Variants in KLHL1 observed in about 807,000 individuals in gnomAD.
KLHL1 encodes the protein kelch like family member 1, also known as kelch-like protein 1.
KLHL1 carries 47 observed loss-of-function variants against 77.7 expected under a neutral mutation model. That is an observed-to-expected ratio of 0.60 (90% CI 0.48 to 0.77). The LOEUF (loss-of-function observed/expected upper bound fraction) is 0.77, where lower values mean the gene tolerates loss of function less well. Among genes scored for constraint, KLHL1 ranks in the 30% least tolerant of loss-of-function variants. KLHL1 has a pLI of 0.00. For synonymous variants in KLHL1, 360 were observed against 325.2 expected (o/e 1.11, Z -1.15); for missense variants, 925 against 910.8 (o/e 1.02, Z -0.20).
intron 2 of KLHL1, among the ~76,000 whole-genome samples, chr13:69,972,641 A>G (rs755864879): frequency 4.6e-5 from 7 of 151,844 alleles, no homozygotes; most frequent in Non-Finnish European, 1.0e-4. Context: ...ATGAACATAA[A>G]ATGATAAATA....
chr13:69,808,111 A>G (rs1004911312), intron 6 of KLHL1, among the ~76,000 whole-genome samples: 4 of 152,084 alleles, frequency 2.6e-5, no homozygotes, highest in Non-Finnish European at 2.9e-5. Context: ...AGGAATGGAT[A>G]TGGAAAGCGG....
chr13:69,737,156 C>A (rs577023248), intron 8 of KLHL1, among the ~76,000 whole-genome samples: 1 of 152,190 alleles, frequency 6.6e-6, no homozygotes, highest in Non-Finnish European at 1.5e-5. Flanking sequence ...GAAAACTATG[C>A]TTTTCCCATG....
chr13:69,823,818 TTCTC>T (rs149024734), intron 6 of KLHL1, among the ~76,000 whole-genome samples: 4 of 151,032 alleles, frequency 2.6e-5, no homozygotes, highest in African/African-American at 7.3e-5. Context: ...TTGAAATTTT[TTCTC>T]TCTCTCTCTC....
chr13:69,939,572 C>A (rs927755425), intron 4 of KLHL1, among the ~76,000 whole-genome samples: 3 of 151,570 alleles, frequency 2.0e-5, no homozygotes, highest in Non-Finnish European at 4.4e-5. Flanking sequence ...ATGCCTGGGG[C>A]AATTTTGAAA....
chr13:70,076,987 T>C (rs1807914093), intron 1 of KLHL1, among the ~76,000 whole-genome samples: 1 of 152,062 alleles, frequency 6.6e-6, no homozygotes, highest in Admixed American at 6.5e-5. Context: ...ATTCTAGTAA[T>C]GGTGTGGAGA....
intron 1 of KLHL1, among the ~76,000 whole-genome samples, chr13:70,074,178 G>A (rs1887206502): frequency 6.6e-6 from 1 of 152,020 alleles, no homozygotes; most frequent in Non-Finnish European, 1.5e-5. Flanking sequence ...AGCATGATTT[G>A]AAGAATTAAG....
intron 1 of KLHL1, among the ~76,000 whole-genome samples, chr13:70,071,007 A>C (rs1000862445): frequency 6.6e-6 from 1 of 152,128 alleles, no homozygotes; most frequent in Non-Finnish European, 1.5e-5. Context: ...ACAAAAAAGT[A>C]ACAAGGGAAA....
chr13:70,049,238 GA>G (rs1010095439), intron 1 of KLHL1, among the ~76,000 whole-genome samples: 8 of 150,332 alleles, frequency 5.3e-5, no homozygotes, highest in African/African-American at 1.5e-4. Context: ...AGAACTAAAT[GA>G]AAAAAAAATC....
intron 7 of KLHL1, among the ~76,000 whole-genome samples, chr13:69,771,416 A>G (rs1171224106): frequency 6.6e-6 from 1 of 152,174 alleles, no homozygotes; most frequent in African/African-American, 2.4e-5. Flanking sequence ...TTATCTCCTC[A>G]TTTTAAATTT....
chr13:69,905,074 T>C (rs572948118), intron 4 of KLHL1, among the ~76,000 whole-genome samples: 89 of 152,280 alleles, frequency 5.8e-4, no homozygotes, highest in African/African-American at 2.0e-3. Context: ...ATTTGCTTCC[T>C]ACCTCCAAAC....
At chr13:70,072,510 ATC>A (rs1413359605) in intron 1 of KLHL1, among the ~76,000 whole-genome samples, 1 of 152,148 alleles carries the variant, frequency 6.6e-6, no homozygotes, top group African/African-American at 2.4e-5. Context: ...ACAGATCAAT[ATC>A]TGTCTTGTAG....
At chr13:69,965,626 G>A (rs1026127427) in intron 2 of KLHL1, among the ~76,000 whole-genome samples, 2 of 152,168 alleles carry the variant, frequency 1.3e-5, no homozygotes, top group South Asian at 2.1e-4. Flanking sequence ...TAAGTTTAGC[G>A]AGGGAGACAT....
rs539821099 is a variant in KLHL1, at chr13:69,841,196, G to A, written c.1228-2034C>T. 4.0e-5 allele frequency among the ~76,000 whole-genome samples: 6 copies of A among 151,226 alleles called. No homozygotes were observed. In the East Asian group the frequency reaches 1.2e-3, roughly 29 times the overall value. On this transcript the variant is annotated intron_variant, in intron 5 of 10. Transcript: ENST00000377844. ...AATATCACATCTCATATTCAACATA[G>A]TATTGGAAGTCTTAGTCAGAACAAT...
intron 1 of KLHL1, among the ~76,000 whole-genome samples, chr13:70,012,941 A>T (rs1373805878): frequency 6.6e-6 from 1 of 152,044 alleles, no homozygotes; most frequent in East Asian, 1.9e-4. Flanking sequence ...AAACTCTATA[A>T]TATACTTTTA....
At chr13:69,964,881 T>G (rs1234285108) in intron 2 of KLHL1, among the ~76,000 whole-genome samples, 1 of 152,290 alleles carries the variant, frequency 6.6e-6, no homozygotes, top group East Asian at 1.9e-4. Context: ...GACTGATTTT[T>G]GTTTGAACCA....
chr13:70,052,560 C>T (rs1886654493), intron 1 of KLHL1, among the ~76,000 whole-genome samples: 1 of 151,674 alleles, frequency 6.6e-6, no homozygotes, highest in Admixed American at 6.6e-5. Context: ...TAATAAAATG[C>T]CATATTTTAA....
At chr13:70,037,909 T>G (rs1886279093) in intron 1 of KLHL1, among the ~76,000 whole-genome samples, 2 of 152,164 alleles carry the variant, frequency 1.3e-5, no homozygotes. Flanking sequence ...CTTTTACCAC[T>G]TTAGACTTTT....
chr13:69,859,258 CTTTT>C (rs34612932), intron 5 of KLHL1, among the ~76,000 whole-genome samples: 4 of 143,510 alleles, frequency 2.8e-5, no homozygotes, highest in Non-Finnish European at 6.1e-5. Flanking sequence ...CCATTTTGCA[CTTTT>C]TTTTTTTTTT....
chr13:70,081,575 G>A (rs188607771), intron 1 of KLHL1, among the ~76,000 whole-genome samples: 162 of 152,268 alleles, frequency 1.1e-3, no homozygotes, highest in Middle Eastern at 3.4e-3. Flanking sequence ...AGATCTCTCC[G>A]TTGTTCTTCT....
Sources: gnomAD v4.1 joint callset for allele counts (sites outside exome capture counted in the v4.1 genomes callset) on GRCh38, gnomAD v4.1.1 for gene constraint, MANE v1.5 for transcripts, NCBI Gene and HGNC (gene_info 2026-07-23, HGNC 2026-07-21) for gene names.